TC2N: variants seen among roughly 807,000 people sequenced by gnomAD.
TC2N encodes the protein tandem C2 domains, nuclear.
A neutral mutation model predicts 61.9 loss-of-function variants in TC2N; 51 were observed. The ratio of observed to expected loss-of-function variants is 0.82; its 90% CI spans 0.66 to 1.04. The LOEUF is 1.04. Ranked by LOEUF, TC2N falls within the 50% of genes least tolerant of loss-of-function variation. The pLI, the probability that TC2N is intolerant of heterozygous loss-of-function variation, is 0.00. For missense variants in TC2N, 556 were observed against 566.7 expected (o/e 0.98, Z 0.19); for synonymous variants, 204 against 192.6 (o/e 1.06, Z -0.49).
intron 2 of TC2N, among the ~76,000 whole-genome samples, chr14:91,812,927 T>A (rs1886846828): frequency 2.6e-5 from 4 of 151,864 alleles, no homozygotes; most frequent in Admixed American, 2.0e-4. Flanking sequence ...GCTACCCCAG[T>A]CGTAGCTTCT....
intron 1 of TC2N, among the ~76,000 whole-genome samples, chr14:91,817,454 A>G (rs1243347342): frequency 2.0e-5 from 3 of 151,954 alleles, no homozygotes; most frequent in African/African-American, 7.3e-5. Context: ...TTTTCTTAAC[A>G]TTTTATGAGA....
At chr14:91,795,057 T>A (rs1430562174) in intron 8 of TC2N, among the ~76,000 whole-genome samples, 1 of 152,140 alleles carries the variant, frequency 6.6e-6, no homozygotes, top group African/African-American at 2.4e-5. Context: ...GCAGAGGAAG[T>A]AATTGCAGAT....
chr14:91,801,912 A>G (rs1469065774), intron 4 of TC2N, among the ~76,000 whole-genome samples: 4 of 152,196 alleles, frequency 2.6e-5, no homozygotes, highest in African/African-American at 7.2e-5. Context: ...AAGTGTTTTG[A>G]GAACACCTAA....
intron 5 of TC2N, 96 bp from the exon 6 acceptor site, chr14:91,799,160 T>C (rs1886084419): frequency 1.4e-6 from 1 of 730,596 alleles, no homozygotes; most frequent in Admixed American, 3.2e-5. Flanking sequence ...ACAAACTGCA[T>C]GCTAACTATT....
chr14:91,826,319 G>GA (rs61107451), intron 1 of TC2N, among the ~76,000 whole-genome samples: 126,029 of 139,928 alleles, frequency 0.9, 56,842 homozygotes, highest in East Asian at 0.99. Flanking sequence ...GACCTTGTCT[G>GA]AAAAAAAAAA....
intron 1 of TC2N, among the ~76,000 whole-genome samples, chr14:91,823,678 A>G (rs1316442390): frequency 1.3e-5 from 2 of 152,010 alleles, no homozygotes; most frequent in Admixed American, 1.3e-4. Flanking sequence ...TAGGTAGGGT[A>G]TGGGTAGAAG....
In TC2N at chr14:91,782,064, C is replaced by CA; in HGVS notation, c.*1035dup. 6.6e-6 allele frequency: 1 copy of CA among 152,022 alleles called. No individual in the cohort carries two copies. The highest frequency in any genetic ancestry group is 2.4e-5 in the African/African-American group (1 of 41,532). The allele number at this position is 152,022 out of a possible 1,614,324, so 9.4% of individuals were successfully genotyped here. A position where few individuals can be genotyped will look rare whatever the true frequency, so the allele number is the denominator to read the frequency against. On this transcript the variant is annotated 3_prime_UTR_variant, in exon 12 of 12. Transcript: ENST00000435962. ...TCAGGTATAATGTCATCTGCCTCTC[C>CA]AAAAAACTGTTCTTTTTGGCCACAG...
chr14:91,796,951 T>A (rs1885926940), intron 8 of TC2N, among the ~76,000 whole-genome samples: 1 of 101,244 alleles, frequency 9.9e-6, no homozygotes, highest in Non-Finnish European at 2.0e-5. Context: ...AAACAAAACT[T>A]CCAAGAGTAT....
At chr14:91,822,561 T>A (rs896082055) in intron 1 of TC2N, among the ~76,000 whole-genome samples, 4 of 152,020 alleles carry the variant, frequency 2.6e-5, no homozygotes, top group African/African-American at 9.7e-5. Flanking sequence ...TATAAAATTG[T>A]AGAAAATGGA....
intron 3 of TC2N, among the ~76,000 whole-genome samples, chr14:91,804,462 ATATAG>A (rs1461793767): frequency 6.6e-6 from 1 of 152,180 alleles, no homozygotes; most frequent in African/African-American, 2.4e-5. Context: ...AGTAAAATAG[ATATAG>A]TATATACTTA....
At chr14:91,852,022 A>G (rs1477500018) in intron 1 of TC2N, among the ~76,000 whole-genome samples, 1 of 152,238 alleles carries the variant, frequency 6.6e-6, no homozygotes, top group Non-Finnish European at 1.5e-5. Context: ...TGCTCATTCA[A>G]TGCTTCAATA....
At chr14:91,838,218 C>G (rs1022171451) in intron 1 of TC2N, among the ~76,000 whole-genome samples, 2 of 150,452 alleles carry the variant, frequency 1.3e-5, no homozygotes, top group Non-Finnish European at 3.0e-5. Flanking sequence ...TCATAGCTCA[C>G]TGCTGTCTCA....
chr14:91,826,014 T>C (rs1412428322), intron 1 of TC2N, among the ~76,000 whole-genome samples: 13 of 152,138 alleles, frequency 8.5e-5, no homozygotes. Context: ...TCGTTGGTCA[T>C]GTTAAAATCT....
At chr14:91,825,026 C>CTTTTTTTTTT (rs5810554) in intron 1 of TC2N, among the ~76,000 whole-genome samples, 59 of 66,832 alleles carry the variant, frequency 8.8e-4, no homozygotes, top group East Asian at 1.7e-3. Flanking sequence ...TTTTTCTTTT[C>CTTTTTTTTTT]TTTTTTTTTT....
intron 3 of TC2N, among the ~76,000 whole-genome samples, chr14:91,805,204 A>G (rs1389205071): frequency 6.6e-6 from 1 of 152,178 alleles, no homozygotes; most frequent in Non-Finnish European, 1.5e-5. Flanking sequence ...GGCCTAGGCT[A>G]ATGTGGATGT....
chr14:91,829,277 T>C (rs1387894484), intron 1 of TC2N, among the ~76,000 whole-genome samples: 1 of 152,112 alleles, frequency 6.6e-6, no homozygotes, highest in African/African-American at 2.4e-5. Flanking sequence ...TTTCTCTTTC[T>C]TTTCTTGCAG....
intron 1 of TC2N, among the ~76,000 whole-genome samples, chr14:91,860,945 C>G (rs1286183418): frequency 1.3e-5 from 2 of 152,230 alleles, no homozygotes; most frequent in African/African-American, 4.8e-5. Context: ...CAAAGAGGCT[C>G]TGGCCTCTGG....
chr14:91,806,266 G>A (rs1430794682), intron 3 of TC2N, among the ~76,000 whole-genome samples: 2 of 152,106 alleles, frequency 1.3e-5, no homozygotes, highest in Non-Finnish European at 2.9e-5. Context: ...GACTAATATA[G>A]TAAACTGGTA....
chr14:91,852,114 G>T (rs1036226048), intron 1 of TC2N, among the ~76,000 whole-genome samples: 16 of 152,188 alleles, frequency 1.1e-4, no homozygotes, highest in African/African-American at 3.4e-4. Flanking sequence ...CAGTCTCTCA[G>T]CAATAGGCAT....
Sources: allele counts gnomAD v4.1 joint callset (sites outside exome capture counted in the v4.1 genomes callset), GRCh38; gene constraint gnomAD v4.1.1; transcripts MANE v1.5; gene names NCBI Gene and HGNC (gene_info 2026-07-23, HGNC 2026-07-21).